PKN3: variants seen among roughly 807,000 people sequenced by gnomAD.
PKN3 encodes protein kinase N3, also known as serine/threonine-protein kinase N3.
In PKN3, 91 loss-of-function variants were observed where a neutral mutation model predicts 113.1. The observed-to-expected ratio is 0.80, with a 90% confidence interval of 0.68 to 0.96. PKN3 has a LOEUF of 0.96. PKN3 is among the 40% of genes least tolerant of loss of function. PKN3 has a pLI of 0.00. For missense variants in PKN3, 1,052 were observed against 1,202.2 expected, an observed-to-expected ratio of 0.88 and a Z score of 1.85; for synonymous variants, 467 against 499.0, an observed-to-expected ratio of 0.94 and a Z score of 0.85.
chr9:128,716,987 T>G, intron 16 of PKN3, 64 bp downstream of exon 16: 6 of 1,377,396 alleles, frequency 4.4e-6, no homozygotes, highest in Non-Finnish European at 6.2e-6. Context: ...ACACCCACTC[T>G]CTACATACTG....
intron 5 of PKN3, 34 bp from the exon 6 acceptor site, chr9:128,707,188 C>G (rs1164095649): frequency 6.3e-7 from 1 of 1,586,646 alleles, no homozygotes; most frequent in East Asian, 2.3e-5. Context: ...GCCATATACC[C>G]CACGAACCTG....
chr9:128,704,391 A>C (rs1861946519), intron 1 of PKN3, among the ~76,000 whole-genome samples: 1 of 152,184 alleles, frequency 6.6e-6, no homozygotes, highest in African/African-American at 2.4e-5. Context: ...TCAGGGGAAC[A>C]AGCCCTGGCT....
At chr9:128,714,005 T>C in intron 9 of PKN3, 41 bp from the exon 10 acceptor site, 6 of 1,602,018 alleles carry the variant, frequency 3.7e-6, no homozygotes, top group South Asian at 1.1e-5. Flanking sequence ...GCAGATGAGA[T>C]GGGAGGCGAC....
intron 16 of PKN3, among the ~76,000 whole-genome samples, chr9:128,717,965 G>A (rs1862395369): frequency 1.3e-5 from 2 of 151,830 alleles, no homozygotes; most frequent in Admixed American, 6.6e-5. Flanking sequence ...AACCCAGGAG[G>A]TGGAGGTTGC....
At chr9:128,712,666 C>A (rs889330826) in intron 6 of PKN3, among the ~76,000 whole-genome samples, 6 of 152,204 alleles carry the variant, frequency 3.9e-5, no homozygotes, top group Non-Finnish European at 7.4e-5. Context: ...ATGTCCCTGC[C>A]GCTCCAGCAT....
At position 128,719,800 on chromosome 9, in the gene PKN3, T is replaced by C; in HGVS notation, c.2240T>C (p.Val747Ala). ...GCTGTGGACTGGTGGGGGCTGGGTGTGCTGCTCTACGAGATGCTGGTGGGT... is the reference window on the plus strand; with the variant it reads ...GCTGTGGACTGGTGGGGGCTGGGTGCGCTGCTCTACGAGATGCTGGTGGGT... ...TRAVDWWGLG[V>A]LLYEMLVGEC... Residue 747 changes from valine to alanine, a missense_variant, in exon 19 of 22, where the codon GTG (valine) becomes GCG (alanine). Val to Ala is a moderately conservative substitution (Grantham distance 64). Around this residue, in one of 2 missense-constraint regions of PKN3, gnomAD observed 333 missense variants for 442.8 expected, o/e 0.75. Transcript: ENST00000291906. The C allele has an allele frequency of 1.2e-6, 2 of 1,605,856 alleles. No homozygotes were observed. Among genetic ancestry groups the C allele is most frequent in the Non-Finnish European group, 1.7e-6 (2 of 1,175,872 alleles).
At chr9:128,712,003 G>A (rs1014815621) in intron 6 of PKN3, among the ~76,000 whole-genome samples, 32 of 150,330 alleles carry the variant, frequency 2.1e-4, no homozygotes, top group African/African-American at 7.3e-4. Flanking sequence ...TCTGCCTCCC[G>A]GGTTCAAGTG....
In PKN3 at chr9:128,705,341, G is replaced by T; in HGVS notation, c.63G>T (p.Glu21Asp). The T allele has an allele frequency of 6.4e-7, 1 of 1,573,046 alleles. No individual in the cohort carries two copies. Among genetic ancestry groups the T allele is most frequent in the Non-Finnish European group, 8.6e-7 (1 of 1,160,588 alleles). ...PSQWPPEDEK[E>D]VIRRAIQKEL... ...AGTGGCCCCCAGAGGATGAGAAGGA[G>T]GTGATCCGCCGGGCCATCCAGAAAG... Residue 21 changes from glutamate (E) to aspartate (D), a missense_variant, in exon 2 of 22, where the codon GAG (glutamate) becomes GAT (aspartate). Glu to Asp is a conservative substitution (Grantham distance 45). Coordinates refer to ENST00000291906, the MANE Select transcript of PKN3 (RefSeq NM_013355.5).
chr9:128,704,731 G>A (rs946342725), intron 1 of PKN3, among the ~76,000 whole-genome samples: 3 of 151,986 alleles, frequency 2.0e-5, no homozygotes, highest in South Asian at 4.1e-4. Context: ...CCAGCCTGAC[G>A]AACATGGAGA....
chr9:128,711,437 G>A (rs1258541205), intron 6 of PKN3, among the ~76,000 whole-genome samples: 1 of 151,796 alleles, frequency 6.6e-6, no homozygotes, highest in Non-Finnish European at 1.5e-5. Flanking sequence ...CTCTCGAGTA[G>A]CTGGGACTAA....
Position 128,720,447 on chromosome 9 carries a change from T to C in PKN3, c.2511T>C (p.Pro837=). 1.9e-6 allele frequency: 3 copies of C among 1,613,204 alleles called. No individual in the cohort carries two copies. Among genetic ancestry groups the C allele is most frequent in the South Asian group, 2.2e-5 (2 of 91,068 alleles). ...GCACCATCCAGCCCCCCTTCGTGCC[T>C]ACCCTGTGTGGCCCTGCGGACCTGC... is the stretch of plus-strand genomic sequence containing the variant. ...LARTIQPPFV[P]TLCGPADLRY... The change falls in exon 22 of 22, where the codon CCT becomes CCC. Residue 837 remains proline (P), a synonymous_variant. Transcript: ENST00000291906. The surrounding 1 kb of genome is among the most constrained non-coding windows in gnomAD (Gnocchi z 5.5).
At chr9:128,707,180 C>A in intron 5 of PKN3, 42 bp from the exon 6 acceptor site, 1 of 1,584,668 alleles carries the variant, frequency 6.3e-7, no homozygotes, top group South Asian at 1.1e-5. Context: ...TGCCCCCTGC[C>A]ATATACCCCA....
In PKN3 at chr9:128,705,781, C is replaced by A; in HGVS notation, c.313C>A (p.Arg105=). The A allele has an allele frequency of 6.2e-7, 1 of 1,608,252 alleles. No individual in the cohort carries two copies. The highest frequency in any genetic ancestry group is 8.5e-7 in the Non-Finnish European group (1 of 1,177,596). The change falls in exon 3 of 22, where the codon CGG becomes AGG. Residue 105 remains arginine (R), a synonymous_variant. Transcript: ENST00000291906. ...PRPWAEQLRA[R]HLEALRRQLH... ...GCCGTGGGCAGAGCAGCTCAGGGCT[C>A]GGCACCTAGAGGCTCTCCGGAGGCA...
At chr9:128,708,078 A>G (rs1862073688) in intron 6 of PKN3, among the ~76,000 whole-genome samples, 1 of 151,112 alleles carries the variant, frequency 6.6e-6, no homozygotes, top group Admixed American at 6.6e-5. Flanking sequence ...CGCAAAAAAA[A>G]AAAAAAAAAA....
chr9:128,702,998 C>T, intron 1 of PKN3, 59 bp downstream of exon 1: 1 of 1,185,676 alleles, frequency 8.4e-7, no homozygotes, highest in Non-Finnish European at 1.1e-6. Flanking sequence ...TCTGTCATCG[C>T]CCCGGAGCCC....
At chr9:128,704,183 G>T in intron 1 of PKN3, 1 of 979,376 alleles carries the variant, frequency 1.0e-6, no homozygotes, top group Non-Finnish European at 1.2e-6. Context: ...GGGTTACCCG[G>T]CCTGAGGTCA....
rs768071706 is a variant in PKN3 at position 128,714,037 on chromosome 9, C to T, written c.1237-9C>T. Reference sequence around the variant, plus strand: ...CGACTGGTCCACAACCCTGCCCCTACCCCTGCAGGTGACCTTCTGCGATCC... The same window carrying T: ...CGACTGGTCCACAACCCTGCCCCTATCCCTGCAGGTGACCTTCTGCGATCC... On this transcript the variant is annotated splice_polypyrimidine_tract_variant and intron_variant, in intron 9 of 21. Coordinates refer to ENST00000291906, the MANE Select transcript of PKN3 (RefSeq NM_013355.5). The T allele has an allele frequency of 6.2e-7, 1 of 1,613,858 alleles. No homozygotes were observed.
At position 128,720,849 on chromosome 9, in the gene PKN3, C is replaced by T. The variant is rs893145007; in HGVS notation, c.*243C>T. The T allele has an allele frequency of 1.2e-5, 7 of 593,904 alleles. No individual in the cohort carries two copies. The highest frequency in any genetic ancestry group is 5.6e-5 in the African/African-American group (3 of 53,714). 36.8% of individuals were successfully genotyped at this position (593,904 alleles called of 1,614,324 possible). Reference sequence around the variant, plus strand: ...GCGAGACCTGGCCCAGAAAGGGTGCCGCAGCAAGGAGTGATATGGTTTGTC... The same window carrying T: ...GCGAGACCTGGCCCAGAAAGGGTGCTGCAGCAAGGAGTGATATGGTTTGTC... On this transcript the variant is annotated 3_prime_UTR_variant, in exon 22 of 22. Transcript: ENST00000291906. This position sits in a 1 kb window ranked among gnomAD's most constrained non-coding sequence, Gnocchi z 5.5.
At position 128,714,831 on chromosome 9, in the gene PKN3, C is replaced by T. The variant is rs751910390; in HGVS notation, c.1618C>T (p.Arg540Ter). The T allele has an allele frequency of 3.7e-6, 6 of 1,614,044 alleles. No individual in the cohort carries two copies. Among genetic ancestry groups the T allele is most frequent in the South Asian group, 1.1e-5 (1 of 91,070 alleles). ...ACGTCCCCATATGGAGCCTAGGACTCGACGTGGGCCATCTCCACCAGCCTC... is the reference window on the plus strand; with the variant it reads ...ACGTCCCCATATGGAGCCTAGGACTTGACGTGGGCCATCTCCACCAGCCTC... ...TKRPHMEPRT[R>*]RGPSPPASPT... The change falls in exon 13 of 22, where the codon CGA becomes TGA. Residue 540 changes from arginine (R) to a stop codon, truncating the protein, a stop_gained. Transcript: ENST00000291906. LOFTEE classifies it high-confidence loss of function.
Sources: allele counts gnomAD v4.1 joint callset (sites outside exome capture counted in the v4.1 genomes callset), GRCh38; gene constraint gnomAD v4.1.1; regional missense constraint gnomAD v4.1.1; non-coding constraint Gnocchi (gnomAD v3.1); transcripts MANE v1.5; gene names NCBI Gene and HGNC (gene_info 2026-07-23, HGNC 2026-07-21).